The following ADAP2 variants were observed in gnomAD, a reference collection of about 807,000 sequenced individuals.
ADAP2 encodes ArfGAP with dual PH domains 2.
A neutral mutation model predicts 54.9 loss-of-function variants in ADAP2; 42 were observed. The observed-to-expected ratio is 0.77, with a 90% CI of 0.60 to 0.99. The LOEUF (loss-of-function observed/expected upper bound fraction) is 0.99. Among genes scored for constraint, ADAP2 ranks in the 50% least tolerant of loss-of-function variants. The pLI is 0.00. For missense variants in ADAP2, 429 were observed against 480.4 expected (o/e 0.89, Z 1.00); for synonymous variants, 177 against 180.1 (o/e 0.98, Z 0.14).
At position 30,951,654 on chromosome 17, in the gene ADAP2, CTTTT is replaced by C. The variant is rs1053982493; in HGVS notation, c.742-1618_742-1615del. Among the ~76,000 whole-genome samples the C allele has an allele frequency of 7.1e-3, 857 of 121,014 alleles. 9 individuals carry two copies. Among genetic ancestry groups the C allele is most frequent in the African/African-American group, 0.027 (817 of 30,244 alleles). The allele number at this position is 121,014 out of a possible 152,430, so 79.4% of individuals were successfully genotyped here. A position where few individuals can be genotyped will look rare whatever the true frequency, so the allele number is the denominator to read the frequency against. On this transcript the variant is annotated intron_variant, in intron 7 of 10. Coordinates refer to ENST00000330889, the MANE Select transcript of ADAP2 (RefSeq NM_018404.3). ...TCTGACCAATATTTTCTTTTCTTTT[CTTTT>C]TTTTTTTTTTTTTTTGAGACAGAGT...
chr17:30,934,623 C>T (rs965185634), intron 5 of ADAP2, among the ~76,000 whole-genome samples: 1 of 152,136 alleles, frequency 6.6e-6, no homozygotes, highest in East Asian at 1.9e-4. Context: ...GAGGATACAG[C>T]AGGGAACTAA....
chr17:30,942,954 T>C (rs1357754124), intron 5 of ADAP2, among the ~76,000 whole-genome samples: 1 of 152,214 alleles, frequency 6.6e-6, no homozygotes, highest in Non-Finnish European at 1.5e-5. Flanking sequence ...GTGGCAGGAA[T>C]GTAAATTAGT....
intron 2 of ADAP2, among the ~76,000 whole-genome samples, chr17:30,925,727 C>T (rs936170209): frequency 3.3e-5 from 5 of 151,712 alleles, no homozygotes; most frequent in African/African-American, 1.2e-4. Context: ...TCCTGAGTAG[C>T]TAGGATTACA....
At chr17:30,939,771 CAAA>C (rs1334968924) in intron 5 of ADAP2, among the ~76,000 whole-genome samples, 3 of 55,914 alleles carry the variant, frequency 5.4e-5, no homozygotes, top group African/African-American at 6.2e-5. Flanking sequence ...ATTCCATTTC[CAAA>C]AAAAAAAAAA....
At chr17:30,936,026 T>C (rs1263002497) in intron 5 of ADAP2, among the ~76,000 whole-genome samples, 1 of 152,192 alleles carries the variant, frequency 6.6e-6, no homozygotes, top group Admixed American at 6.5e-5. Flanking sequence ...AGTTAAAAAC[T>C]TTAAACACCT....
chr17:30,934,985 C>G, intron 5 of ADAP2, among the ~76,000 whole-genome samples: 1 of 151,698 alleles, frequency 6.6e-6, no homozygotes, highest in East Asian at 1.9e-4. Flanking sequence ...CATGGGAGGT[C>G]GAGGCTGCAT....
Position 30,959,162 on chromosome 17 carries a change from G to A in ADAP2, c.*1293G>A, listed in dbSNP as rs1438430520. ...GTACTCTGCTAAGTTCTGGGGATGA[G>A]GAAATTAATAAAGGTACAGTCTTGC... On this transcript the variant is annotated 3_prime_UTR_variant, in exon 11 of 11. Coordinates refer to ENST00000330889, the MANE Select transcript of ADAP2 (RefSeq NM_018404.3). The A allele has an allele frequency of 6.6e-6, 1 of 152,144 alleles. No homozygotes were observed. The highest frequency in any genetic ancestry group is 1.5e-5 in the Non-Finnish European group (1 of 68,050). The allele number at this position is 152,144 out of a possible 1,614,324, so 9.4% of individuals were successfully genotyped here. A position where few individuals can be genotyped will look rare whatever the true frequency, so the allele number is the denominator to read the frequency against.
chr17:30,950,920 G>A (rs1036567777), intron 7 of ADAP2, among the ~76,000 whole-genome samples: 2 of 152,158 alleles, frequency 1.3e-5, no homozygotes, highest in Non-Finnish European at 2.9e-5. Context: ...TTGCTGACAT[G>A]TGTAAAGGAA....
chr17:30,937,325 G>C (rs186133881), intron 5 of ADAP2, among the ~76,000 whole-genome samples: 15 of 151,418 alleles, frequency 9.9e-5, no homozygotes, highest in Admixed American at 8.5e-4. Flanking sequence ...GGGTTCAAGT[G>C]ATTCCCCTGC....
chr17:30,932,093 G>A, intron 4 of ADAP2, 125 bp downstream of exon 4: 1 of 815,792 alleles, frequency 1.2e-6, no homozygotes, highest in Non-Finnish European at 2.0e-6. Context: ...GGCCGCAGAG[G>A]CCAAGGTGTG....
At chr17:30,922,845 G>C in intron 1 of ADAP2, 95 bp from the exon 2 acceptor site, 4 of 1,409,734 alleles carry the variant, frequency 2.8e-6, no homozygotes, top group Non-Finnish European at 3.9e-6. Flanking sequence ...TTAGGTGGGA[G>C]AAGGGGCGCC....
intron 4 of ADAP2, 70 bp from the exon 5 acceptor site, chr17:30,934,115 C>T: frequency 8.2e-7 from 1 of 1,215,276 alleles, no homozygotes; most frequent in Non-Finnish European, 1.2e-6. Flanking sequence ...TTGAGAACCT[C>T]AGAGGTTCCT....
chr17:30,948,491 A>G (rs543884101), intron 6 of ADAP2, among the ~76,000 whole-genome samples: 1 of 152,128 alleles, frequency 6.6e-6, no homozygotes, highest in African/African-American at 2.4e-5. Flanking sequence ...AATGGTGTGA[A>G]CCCAGAAGGC....
intron 5 of ADAP2, among the ~76,000 whole-genome samples, chr17:30,937,654 G>C (rs182796150): frequency 6.6e-6 from 1 of 152,300 alleles, no homozygotes; most frequent in East Asian, 1.9e-4. Context: ...TGGTGGATCC[G>C]ACCAGGATGG....
chr17:30,956,723 C>A (rs1905100008), intron 10 of ADAP2: 6 of 525,178 alleles, frequency 1.1e-5, no homozygotes, highest in South Asian at 1.0e-4. Flanking sequence ...CTGGCAGAAC[C>A]CCTGGGTGCT....
chr17:30,958,133 T>C lies in ADAP2; in HGVS notation c.*264T>C. 1 of 480,788 alleles carries C rather than the reference T, an allele frequency of 2.1e-6. No homozygotes were observed. Among genetic ancestry groups the C allele is most frequent in the Non-Finnish European group, 3.8e-6 (1 of 265,570 alleles). The allele number at this position is 480,788 out of a possible 1,614,324, so 29.8% of individuals were successfully genotyped here. A position where few individuals can be genotyped will look rare whatever the true frequency, so the allele number is the denominator to read the frequency against. On this transcript the variant is annotated 3_prime_UTR_variant, in exon 11 of 11. Transcript: ENST00000330889. Reference sequence around the variant, plus strand: ...ATACACACCTAGGCTTGAAATGCCCTACAGGCCCAGAACTTTCTCACATCT... The same window carrying C: ...ATACACACCTAGGCTTGAAATGCCCCACAGGCCCAGAACTTTCTCACATCT...
chr17:30,950,401 C>T (rs1015025501), intron 7 of ADAP2, among the ~76,000 whole-genome samples: 3 of 152,164 alleles, frequency 2.0e-5, no homozygotes, highest in Non-Finnish European at 4.4e-5. Context: ...TGCTCTATTG[C>T]TCACTTGCTG....
chr17:30,953,308 G>A lies in ADAP2; in HGVS notation c.762G>A (p.Arg254=). The change falls in exon 8 of 11, where the codon AGG becomes AGA. Residue 254 remains arginine (R), a synonymous_variant. Coordinates refer to ENST00000330889, the MANE Select transcript of ADAP2 (RefSeq NM_018404.3). ...PESELVPFLT[R]NYLKQGFMEK... is the part of the protein sequence containing the mutation. ...CCCAGCTCGTGCCATTCCTCACCAGGAACTACCTCAAACAAGGCTTCATGG... is the reference window on the plus strand; with the variant it reads ...CCCAGCTCGTGCCATTCCTCACCAGAAACTACCTCAAACAAGGCTTCATGG... 6.2e-7 allele frequency: 1 copy of A among 1,614,000 alleles called. No homozygotes were observed. The highest frequency in any genetic ancestry group is 2.2e-5 in the East Asian group (1 of 44,876).
Position 30,949,333 on chromosome 17 carries a change from A to G in ADAP2, c.704A>G (p.Tyr235Cys), listed in dbSNP as rs1904415451. 1 of 1,614,138 alleles carries G rather than the reference A, an allele frequency of 6.2e-7. No homozygotes were observed. Among genetic ancestry groups the G allele is most frequent in the Non-Finnish European group, 8.5e-7 (1 of 1,180,020 alleles). Residue 235 changes from tyrosine (Y) to cysteine (C), a missense_variant, in exon 7 of 11, where the codon TAC (tyrosine) becomes TGC (cysteine). Tyr to Cys is a radical substitution (Grantham distance 194). Transcript: ENST00000330889. The stretch of plus-strand genomic sequence containing the variant: ...GCCCTCCGTGCAGCCCGTCTGCAGT[A>G]CCTAAAAATGGCCTTTCCTGAACTC... ...FNALRAARLQ[Y>C]LKMAFPELPE...
Sources: allele counts gnomAD v4.1 joint callset (sites outside exome capture counted in the v4.1 genomes callset), GRCh38; gene constraint gnomAD v4.1.1; transcripts MANE v1.5; gene names NCBI Gene and HGNC (gene_info 2026-07-23, HGNC 2026-07-21).